The following TTC28 variants were observed in gnomAD, a reference collection of about 807,000 sequenced individuals.
TTC28 encodes tetratricopeptide repeat domain 28, also known as tetratricopeptide repeat protein 28.
A neutral mutation model predicts 198.0 loss-of-function variants in TTC28; 61 were observed. The observed-to-expected ratio is 0.31, with a 90% CI of 0.25 to 0.38. The LOEUF is 0.38. TTC28 is among the 10% of genes least tolerant of loss of function. The pLI is 1.00. For missense variants in TTC28, 2,678 were observed against 3,164.0 expected (o/e 0.85, Z 3.69); for synonymous variants, 1,171 against 1,297.8 (o/e 0.90, Z 2.10).
chr22:28,345,088 C>T (rs576857890), intron 2 of TTC28, among the ~76,000 whole-genome samples: 4 of 152,198 alleles, frequency 2.6e-5, no homozygotes, highest in Admixed American at 6.5e-5. Flanking sequence ...TGTAGTATGC[C>T]GCCTCCCTGA....
At chr22:28,661,683 A>G (rs537101936) in intron 1 of TTC28, among the ~76,000 whole-genome samples, 2 of 151,658 alleles carry the variant, frequency 1.3e-5, no homozygotes, top group East Asian at 3.9e-4. Context: ...ATCTCAGCTC[A>G]CTGCAACCTC....
chr22:28,321,695 T>C (rs1048740873), intron 2 of TTC28, among the ~76,000 whole-genome samples: 2 of 152,172 alleles, frequency 1.3e-5, no homozygotes, highest in Non-Finnish European at 2.9e-5. Flanking sequence ...ATCCCACAAA[T>C]GACAACTTAG....
At chr22:28,385,903 A>C (rs749508714) in intron 2 of TTC28, among the ~76,000 whole-genome samples, 45 of 152,128 alleles carry the variant, frequency 3.0e-4, no homozygotes, top group Non-Finnish European at 5.7e-4. Context: ...CACCTCTGCC[A>C]AAAACACTTT....
chr22:28,659,369 A>G (rs1164981499), intron 1 of TTC28, among the ~76,000 whole-genome samples: 5 of 152,058 alleles, frequency 3.3e-5, no homozygotes, highest in African/African-American at 1.2e-4. Context: ...CCCAGGTTCA[A>G]GTGATTCTCA....
At chr22:28,197,451 T>C (rs963615563) in intron 5 of TTC28, among the ~76,000 whole-genome samples, 5 of 151,624 alleles carry the variant, frequency 3.3e-5, no homozygotes, top group Admixed American at 6.6e-5. Context: ...GAATAGAAAT[T>C]ACACAGTTCT....
intron 2 of TTC28, among the ~76,000 whole-genome samples, chr22:28,327,344 A>G (rs1286508714): frequency 3.3e-5 from 5 of 152,164 alleles, no homozygotes; most frequent in African/African-American, 1.2e-4. Context: ...CAAGTATAGT[A>G]CTAACGTGTT....
chr22:28,465,699 T>C (rs2048009810), intron 2 of TTC28, among the ~76,000 whole-genome samples: 1 of 152,108 alleles, frequency 6.6e-6, no homozygotes, highest in African/African-American at 2.4e-5. Flanking sequence ...TTCAAAGTAA[T>C]AGTGGCTTAA....
At chr22:28,071,870 A>G (rs1828697351) in intron 12 of TTC28, among the ~76,000 whole-genome samples, 1 of 152,218 alleles carries the variant, frequency 6.6e-6, no homozygotes, top group African/African-American at 2.4e-5. Flanking sequence ...TATTAGCAGG[A>G]ACTCCTCACC....
At chr22:28,206,154 G>A (rs1014332058) in intron 5 of TTC28, among the ~76,000 whole-genome samples, 7 of 152,106 alleles carry the variant, frequency 4.6e-5, no homozygotes, top group Non-Finnish European at 8.8e-5. Context: ...TCAGCTGTGA[G>A]ATACTCTGCA....
At chr22:28,319,709 GTC>G (rs1274236067) in intron 2 of TTC28, among the ~76,000 whole-genome samples, 1 of 152,154 alleles carries the variant, frequency 6.6e-6, no homozygotes, top group Non-Finnish European at 1.5e-5. Flanking sequence ...CATGAGATGT[GTC>G]ACATTAGCGT....
intron 2 of TTC28, among the ~76,000 whole-genome samples, chr22:28,600,685 C>G (rs2050626101): frequency 6.6e-6 from 1 of 152,168 alleles, no homozygotes; most frequent in South Asian, 2.1e-4. Context: ...CTACACAAGA[C>G]TACCAAAAGC....
At chr22:28,036,692 G>C (rs1439816678) in intron 12 of TTC28, among the ~76,000 whole-genome samples, 4 of 152,140 alleles carry the variant, frequency 2.6e-5, no homozygotes, top group Non-Finnish European at 4.4e-5. Flanking sequence ...AGGAGATAGA[G>C]ACATAAAAAA....
rs1468686753 is a variant in TTC28, at chr22:28,596,988, A to G, written c.381+32564T>C. Among the ~76,000 whole-genome samples the G allele has an allele frequency of 2.0e-5, 3 of 152,188 alleles. No individual in the cohort carries two copies. In the East Asian group the frequency reaches 5.8e-4, roughly 29 times the overall value. On this transcript the variant is annotated intron_variant, in intron 2 of 22. Transcript: ENST00000397906. ...GCCTAGAAATTAAGGTCAGGTTCATATTTCACCTGGGAGGATATAGGTACC... is the reference window on the plus strand; with the variant it reads ...GCCTAGAAATTAAGGTCAGGTTCATGTTTCACCTGGGAGGATATAGGTACC...
intron 5 of TTC28, among the ~76,000 whole-genome samples, chr22:28,241,171 C>T (rs1569216572): frequency 6.6e-6 from 1 of 152,122 alleles, no homozygotes; most frequent in African/African-American, 2.4e-5. Flanking sequence ...CAATACCATG[C>T]GTCTCTTGAT....
chr22:28,118,374 G>C (rs1054942932), intron 6 of TTC28, among the ~76,000 whole-genome samples: 2 of 152,040 alleles, frequency 1.3e-5, no homozygotes, highest in Non-Finnish European at 2.9e-5. Context: ...ACTCCAGCCT[G>C]GGTGACAGAG....
intron 5 of TTC28, among the ~76,000 whole-genome samples, chr22:28,191,323 G>A (rs529712075): frequency 4.3e-4 from 66 of 152,282 alleles, no homozygotes; most frequent in African/African-American, 1.5e-3. Context: ...CACAGTTCTT[G>A]CGAATAGGAA....
At chr22:28,666,786 C>G (rs1324625776) in intron 1 of TTC28, among the ~76,000 whole-genome samples, 2 of 37,836 alleles carry the variant, frequency 5.3e-5, no homozygotes, top group Admixed American at 3.7e-4. Flanking sequence ...GGAATCCTCC[C>G]TAACTCATTT....
intron 2 of TTC28, among the ~76,000 whole-genome samples, chr22:28,456,237 T>C (rs2047858140): frequency 6.6e-6 from 1 of 151,656 alleles, no homozygotes; most frequent in South Asian, 2.1e-4. Context: ...TGTGGCCATG[T>C]ATAATCCGAT....
intron 2 of TTC28, among the ~76,000 whole-genome samples, chr22:28,611,246 C>A (rs538074534): frequency 6.6e-6 from 1 of 152,158 alleles, no homozygotes; most frequent in East Asian, 1.9e-4. Flanking sequence ...GAAGAGCAAC[C>A]CCAAGACACA....
Sources: allele counts gnomAD v4.1 joint callset (sites outside exome capture counted in the v4.1 genomes callset), GRCh38; gene constraint gnomAD v4.1.1; transcripts MANE v1.5; gene names NCBI Gene and HGNC (gene_info 2026-07-23, HGNC 2026-07-21).